The following RANGRF variants were observed in gnomAD, a reference collection of about 807,000 sequenced individuals.
RANGRF encodes the protein RAN guanine nucleotide release factor, also known as MOG1 homolog.
A neutral mutation model predicts 21.8 loss-of-function variants in RANGRF; 17 were observed. The ratio of observed to expected loss-of-function variants is 0.78; its 90% CI spans 0.53 to 1.17. The LOEUF (loss-of-function observed/expected upper bound fraction) is 1.17, where lower values mean the gene tolerates loss of function less well. RANGRF is among the 50% of genes most tolerant of loss of function. The pLI, the probability that RANGRF is intolerant of heterozygous loss-of-function variation, is 0.00. For missense variants in RANGRF, 225 were observed against 235.5 expected (o/e 0.96, Z 0.29); for synonymous variants, 97 against 94.3 (o/e 1.03, Z -0.17).
Position 8,289,928 on chromosome 17 carries a change from C to T in RANGRF, c.553C>T (p.Pro185Ser). The stretch of plus-strand genomic sequence containing the variant: ...CCTTCACGATCCTAACATCTTTGGT[C>T]CCCAGTAAAGGCGCTGAAGCACTGC... ...LTLHDPNIFG[P>S]Q The change falls in exon 5 of 5, where the codon CCC becomes TCC. Residue 185 changes from proline to serine, a missense_variant. Physicochemically the swap from Pro to Ser is moderately conservative, Grantham distance 74. Coordinates refer to ENST00000226105, the MANE Select transcript of RANGRF (RefSeq NM_016492.5). The T allele has an allele frequency of 1.2e-6, 2 of 1,614,102 alleles. No individual in the cohort carries two copies. The highest frequency in any genetic ancestry group is 1.7e-6 in the Non-Finnish European group (2 of 1,180,020).
chr17:8,289,750 T>A, intron 4 of RANGRF, 63 bp from the exon 5 acceptor site: 1 of 1,613,730 alleles, frequency 6.2e-7, no homozygotes, highest in Non-Finnish European at 8.5e-7. Flanking sequence ...GGAACAGGAA[T>A]TGGCAATTTC....
Position 8,289,324 on chromosome 17 carries a change from T to C in RANGRF, c.261T>C (p.Pro87=). ...ARAVHVESVQ[P]LSLENLALRG... Reference sequence around the variant, plus strand: ...CTGTCCATGTGGAGTCTGTTCAGCCTCTCAGTTTGGAGAACCTGGCCCTGA... The same window carrying C: ...CTGTCCATGTGGAGTCTGTTCAGCCCCTCAGTTTGGAGAACCTGGCCCTGA... Residue 87 remains proline (P), a synonymous_variant, in exon 3 of 5, where the codon CCT becomes CCC. Coordinates refer to ENST00000226105, the MANE Select transcript of RANGRF (RefSeq NM_016492.5). 6.2e-7 allele frequency: 1 copy of C among 1,614,148 alleles called. No individual in the cohort carries two copies. The highest frequency in any genetic ancestry group is 8.5e-7 in the Non-Finnish European group (1 of 1,180,032).
rs2151608419 is a variant in RANGRF, at chr17:8,288,975, G to T, written c.97G>T (p.Asp33Tyr). 6.2e-7 allele frequency: 1 copy of T among 1,614,154 alleles called. No individual in the cohort carries two copies. The highest frequency in any genetic ancestry group is 8.5e-7 in the Non-Finnish European group (1 of 1,180,048). The change falls in exon 2 of 5, where the codon GAC becomes TAC. Residue 33 changes from aspartate to tyrosine, a missense_variant. Coordinates refer to ENST00000226105, the MANE Select transcript of RANGRF (RefSeq NM_016492.5). Reference protein sequence around the residue: ...IDVSDLRPVPDNQEVFCHPVT... With the variant: ...IDVSDLRPVPYNQEVFCHPVT... ...CTCCAGCGACCTCCGACCGGTCCCG[G>T]ACAATCAAGAAGTTTTCTGCCATCC... is the stretch of plus-strand genomic sequence containing the variant.
Position 8,290,022 on chromosome 17 carries a change from C to T in RANGRF, c.*86C>T. ...AAAGAGGTTGAAAAGAGGGTTTCCTCTTATTTCTTCCCTGTGCGTAAACAT... is the reference window on the plus strand; with the variant it reads ...AAAGAGGTTGAAAAGAGGGTTTCCTTTTATTTCTTCCCTGTGCGTAAACAT... On this transcript the variant is annotated 3_prime_UTR_variant, in exon 5 of 5. Transcript: ENST00000226105. 2 of 1,605,082 alleles carry T rather than the reference C, an allele frequency of 1.2e-6. No homozygotes were observed. The highest frequency in any genetic ancestry group is 1.1e-5 in the South Asian group (1 of 90,650).
chr17:8,289,183 C>G, intron 2 of RANGRF, 75 bp from the exon 3 acceptor site: 1 of 1,602,766 alleles, frequency 6.2e-7, no homozygotes, highest in Non-Finnish European at 8.5e-7. Context: ...GGCCGGGAGC[C>G]AGGCCTGCAA....
chr17:8,288,902 G>C, intron 1 of RANGRF, 37 bp downstream of exon 1: 2 of 1,614,058 alleles, frequency 1.2e-6, no homozygotes, highest in Non-Finnish European at 1.7e-6. Context: ...GGCTGACTGG[G>C]TGGGTTGTGG....
chr17:8,289,109 C>G (rs753632700), intron 2 of RANGRF, 37 bp downstream of exon 2: 3 of 1,606,530 alleles, frequency 1.9e-6, no homozygotes, highest in Non-Finnish European at 2.5e-6. Context: ...ATGGCAGGGG[C>G]GGGGTCGGAC....
Position 8,289,045 on chromosome 17 carries a change from C to T in RANGRF, c.167C>T (p.Ala56Val). 4 of 1,613,942 alleles carry T rather than the reference C, an allele frequency of 2.5e-6. No individual in the cohort carries two copies. The highest frequency in any genetic ancestry group is 3.3e-4 in the Middle Eastern group (2 of 6,062). Residue 56 changes from alanine to valine, a missense_variant, in exon 2 of 5, where the codon GCC becomes GTC. Physicochemically the swap from Ala to Val is moderately conservative, Grantham distance 64. Transcript: ENST00000226105. ...SLIVELLELQ[A>V]HVRGEAAARY... ...ATAGTGGAACTTCTCGAGCTGCAGG[C>T]CCACGTACGGGGCGAAGCGGCTGCG...
intron 3 of RANGRF, 38 bp from the exon 4 acceptor site, chr17:8,289,465 A>G: frequency 6.2e-7 from 1 of 1,614,182 alleles, no homozygotes; most frequent in Non-Finnish European, 8.5e-7. Context: ...GCGGGGACGC[A>G]GAGATCCAGG....
Position 8,290,083 on chromosome 17 carries a change from A to T in RANGRF, c.*147A>T, listed in dbSNP as rs1054248907. 1 of 1,532,290 alleles carries T rather than the reference A, an allele frequency of 6.5e-7. No individual in the cohort carries two copies. The highest frequency in any genetic ancestry group is 1.4e-5 in the African/African-American group (1 of 72,306). 94.9% of individuals were successfully genotyped at this position (1,532,290 alleles called of 1,614,324 possible). On this transcript the variant is annotated 3_prime_UTR_variant, in exon 5 of 5. Transcript: ENST00000226105. Reference sequence around the variant, plus strand: ...CTCTTCAGAATAAACTTGCTTTATAATCAATATAATCTCTGTGCCTTTGAA... The same window carrying T: ...CTCTTCAGAATAAACTTGCTTTATATTCAATATAATCTCTGTGCCTTTGAA...
Position 8,288,799 on chromosome 17 carries a change from C to G in RANGRF, c.11C>G (p.Thr4Arg), listed in dbSNP as rs1236530787. 12 of 1,614,114 alleles carry G rather than the reference C, an allele frequency of 7.4e-6. No individual in the cohort carries two copies. In the Middle Eastern group the frequency reaches 4.9e-4, roughly 67 times the overall value. The change falls in exon 1 of 5, where the codon ACG becomes AGG. Residue 4 changes from threonine to arginine, a missense_variant. Transcript: ENST00000226105. ...CCCAGCCTCAGACCCATGGAGCCCACGAGAGACTGCCCGCTGTTCGGGGGC... is the reference window on the plus strand; with the variant it reads ...CCCAGCCTCAGACCCATGGAGCCCAGGAGAGACTGCCCGCTGTTCGGGGGC... MEP[T>R]RDCPLFGGAF...
chr17:8,289,087 C>G lies in RANGRF; in HGVS notation c.194+15C>G. The G allele has an allele frequency of 6.2e-7, 1 of 1,612,686 alleles. No homozygotes were observed. The highest frequency in any genetic ancestry group is 8.5e-7 in the Non-Finnish European group (1 of 1,179,508). ...GCGGCTGCGCGGTGAGGGAATGGCC[C>G]CCGGCTGGCCAATGGCAGGGGCGGG... On this transcript the variant is annotated intron_variant, in intron 2 of 4. Transcript: ENST00000226105.
chr17:8,289,059 G>T lies in RANGRF; in HGVS notation c.181G>T (p.Glu61Ter), dbSNP rs140704891. 4.5e-3 allele frequency: 7,244 copies of T among 1,613,690 alleles called. 29 individuals carry two copies. The highest frequency in any genetic ancestry group is 5.1e-3 in the Non-Finnish European group (6,013 of 1,179,962). ...LLELQAHVRGEAAARYHFEDV... is the reference protein window; with the variant it reads ...LLELQAHVRG The stretch of plus-strand genomic sequence containing the variant: ...CGAGCTGCAGGCCCACGTACGGGGC[G>T]AAGCGGCTGCGCGGTGAGGGAATGG... Residue 61 changes from glutamate to a stop codon, truncating the protein, a stop_gained, in exon 2 of 5, where the codon GAA becomes TAA. Coordinates refer to ENST00000226105, the MANE Select transcript of RANGRF (RefSeq NM_016492.5). LOFTEE classifies it high-confidence loss of function.
In RANGRF at chr17:8,289,888, G is replaced by A. The variant is rs201385595; in HGVS notation, c.513G>A (p.Leu171=). 6.8e-6 allele frequency: 11 copies of A among 1,614,126 alleles called. No individual in the cohort carries two copies. In the East Asian group the frequency reaches 1.8e-4, roughly 26 times the overall value. Residue 171 remains leucine, a synonymous_variant, in exon 5 of 5, where the codon CTG becomes CTA. Coordinates refer to ENST00000226105, the MANE Select transcript of RANGRF (RefSeq NM_016492.5). ...GGAGCCTGGGTGACTTTGAACAGCTGGTGACCAGTCTGACCCTTCACGATC... is the reference window on the plus strand; with the variant it reads ...GGAGCCTGGGTGACTTTGAACAGCTAGTGACCAGTCTGACCCTTCACGATC... ...APWSLGDFEQ[L]VTSLTLHDPN...
At position 8,290,058 on chromosome 17, in the gene RANGRF, C is replaced by G; in HGVS notation, c.*122C>G. 2.6e-6 allele frequency: 4 copies of G among 1,567,762 alleles called. No homozygotes were observed. Among genetic ancestry groups the G allele is most frequent in the Non-Finnish European group, 3.5e-6 (4 of 1,154,838 alleles). ...CCTGTGCGTAAACATAAGACAATCCCTCTTCAGAATAAACTTGCTTTATAA... is the reference window on the plus strand; with the variant it reads ...CCTGTGCGTAAACATAAGACAATCCGTCTTCAGAATAAACTTGCTTTATAA... On this transcript the variant is annotated 3_prime_UTR_variant, in exon 5 of 5. Coordinates refer to ENST00000226105, the MANE Select transcript of RANGRF (RefSeq NM_016492.5).
rs548428743 is a variant in RANGRF at position 8,289,002 on chromosome 17, G to T, written c.124G>T (p.Val42Leu). ...PDNQEVFCHP[V>L]TDQSLIVELL... ...CAATCAAGAAGTTTTCTGCCATCCC[G>T]TGACGGACCAGAGCCTGATAGTGGA... The change falls in exon 2 of 5, where the codon GTG (valine) becomes TTG (leucine). Residue 42 changes from valine to leucine, a missense_variant. Val to Leu is a conservative substitution (Grantham distance 32). Coordinates refer to ENST00000226105, the MANE Select transcript of RANGRF (RefSeq NM_016492.5). The T allele has an allele frequency of 1.4e-4, 220 of 1,614,122 alleles. 3 individuals are homozygous for T. In the South Asian group the frequency reaches 2.3e-3, roughly 17 times the overall value.
rs1184227438 is a variant in RANGRF, at chr17:8,289,278, G to A, written c.215G>A (p.Gly72Asp). The change falls in exon 3 of 5, where the codon GGT becomes GAT. Residue 72 changes from glycine to aspartate, a missense_variant. Transcript: ENST00000226105. ...AAARYHFEDV[G>D]GVQGARAVHV... ...TCCAGGTACCACTTTGAGGATGTTG[G>A]TGGCGTGCAGGGGGCTAGGGCTGTC... is the stretch of plus-strand genomic sequence containing the variant. 2 of 1,613,884 alleles carry A rather than the reference G, an allele frequency of 1.2e-6. No individual in the cohort carries two copies. Among genetic ancestry groups the A allele is most frequent in the Non-Finnish European group, 1.7e-6 (2 of 1,180,024 alleles).
At position 8,289,559 on chromosome 17, in the gene RANGRF, T is replaced by A; in HGVS notation, c.408T>A (p.Thr136=). The change falls in exon 4 of 5, where the codon ACT becomes ACA. Residue 136 remains threonine (T), a synonymous_variant. Transcript: ENST00000226105. ...TGCTGAGGCTGCCCCAGTACCAGAC[T>A]GATCTCTTGCTTACCTTCAATCAGC... is the stretch of plus-strand genomic sequence containing the variant. ...QALLRLPQYQ[T]DLLLTFNQPP... The A allele has an allele frequency of 6.2e-7, 1 of 1,613,706 alleles. No individual in the cohort carries two copies. The highest frequency in any genetic ancestry group is 8.5e-7 in the Non-Finnish European group (1 of 1,179,662).
intron 2 of RANGRF, 79 bp from the exon 3 acceptor site, chr17:8,289,179 G>C (rs1159585014): frequency 3.1e-6 from 5 of 1,602,954 alleles, no homozygotes; most frequent in Non-Finnish European, 4.3e-6. Context: ...CACGGGCCGG[G>C]AGCCAGGCCT....
Sources: allele counts gnomAD v4.1 joint callset, GRCh38; gene constraint gnomAD v4.1.1; transcripts MANE v1.5; gene names NCBI Gene and HGNC (gene_info 2026-07-23, HGNC 2026-07-21).